Variants in PHF20 observed in about 807,000 individuals in gnomAD.
The protein encoded by PHF20 is glioma-expressed antigen 2.
In PHF20, 23 loss-of-function variants were observed where a neutral mutation model predicts 113.5. The ratio of observed to expected loss-of-function variants is 0.20; its 90% CI spans 0.15 to 0.29. The LOEUF (loss-of-function observed/expected upper bound fraction) is 0.29. Ranked by LOEUF, PHF20 falls within the 10% of genes least tolerant of loss-of-function variation. PHF20 has a pLI of 1.00. For synonymous variants in PHF20, 434 were observed against 457.3 expected, an observed-to-expected ratio of 0.95 and a Z score of 0.65; for missense variants, 943 against 1,219.6, an observed-to-expected ratio of 0.77 and a Z score of 3.38.
At chr20:35,911,032 G>T (rs1170132561) in intron 10 of PHF20, among the ~76,000 whole-genome samples, 1 of 151,590 alleles carries the variant, frequency 6.6e-6, no homozygotes, top group South Asian at 2.1e-4. Context: ...GTTGCTGTTC[G>T]TACCTTTTTT....
chr20:35,823,734 C>T (rs2042215758), intron 2 of PHF20, among the ~76,000 whole-genome samples: 1 of 151,696 alleles, frequency 6.6e-6, no homozygotes, highest in Admixed American at 6.6e-5. Flanking sequence ...TAATCAGCCT[C>T]TCCTGGCACC....
intron 2 of PHF20, among the ~76,000 whole-genome samples, chr20:35,835,727 T>C (rs1257328148): frequency 6.6e-6 from 1 of 152,060 alleles, no homozygotes; most frequent in Admixed American, 6.6e-5. Flanking sequence ...GTCAGGAGTT[T>C]GAGACCAGCC....
At chr20:35,775,574 T>C (rs1446901579) in intron 1 of PHF20, among the ~76,000 whole-genome samples, 1 of 151,850 alleles carries the variant, frequency 6.6e-6, no homozygotes, top group Non-Finnish European at 1.5e-5. Flanking sequence ...GCTAACACAG[T>C]GAAACCCTGT....
At chr20:35,882,027 A>G (rs891638611) in intron 9 of PHF20, among the ~76,000 whole-genome samples, 1 of 152,270 alleles carries the variant, frequency 6.6e-6, no homozygotes, top group African/African-American at 2.4e-5. Flanking sequence ...AATAATTTTT[A>G]AATGTCATCT....
chr20:35,865,238 C>T (rs1389175608), intron 6 of PHF20, among the ~76,000 whole-genome samples: 10 of 151,852 alleles, frequency 6.6e-5, no homozygotes, highest in African/African-American at 2.2e-4. Flanking sequence ...TGCCTCATCC[C>T]TGTAATCATG....
chr20:35,877,101 T>C (rs151265856), intron 9 of PHF20, among the ~76,000 whole-genome samples: 5,402 of 105,398 alleles, frequency 0.051, 175 homozygotes, highest in African/African-American at 0.11. Flanking sequence ...AGTGAGACTC[T>C]GTCTCAAAAA....
At chr20:35,935,514 G>C (rs1247082549) in intron 15 of PHF20, among the ~76,000 whole-genome samples, 1 of 152,188 alleles carries the variant, frequency 6.6e-6, no homozygotes, top group Non-Finnish European at 1.5e-5. Context: ...TTGCAGGCAT[G>C]TACCACCGCA....
chr20:35,853,220 CAAA>C (rs374587283), intron 4 of PHF20: 3 of 69,610 alleles, frequency 4.3e-5, no homozygotes, highest in Non-Finnish European at 5.8e-5. Flanking sequence ...AGACTCGTCT[CAAA>C]AAAAAAAAAA....
chr20:35,778,510 G>A (rs1446683120), intron 1 of PHF20, among the ~76,000 whole-genome samples: 2 of 152,092 alleles, frequency 1.3e-5, no homozygotes, highest in Non-Finnish European at 2.9e-5. Flanking sequence ...AGCACTTTGG[G>A]AGGCCAAGTC....
At chr20:35,831,880 G>C (rs1028754174) in intron 2 of PHF20, among the ~76,000 whole-genome samples, 1 of 152,166 alleles carries the variant, frequency 6.6e-6, no homozygotes, top group Non-Finnish European at 1.5e-5. Flanking sequence ...CCAGATTACA[G>C]AAAAGCACAA....
intron 9 of PHF20, among the ~76,000 whole-genome samples, chr20:35,892,650 T>A (rs1435136239): frequency 1.3e-5 from 2 of 152,236 alleles, no homozygotes; most frequent in East Asian, 3.8e-4. Flanking sequence ...TACTTTTTGA[T>A]TTGTGGTTCT....
intron 15 of PHF20, among the ~76,000 whole-genome samples, chr20:35,936,859 CA>C (rs2055874819): frequency 6.6e-6 from 1 of 152,022 alleles, no homozygotes; most frequent in African/African-American, 2.4e-5. Context: ...ATGGTGTTGG[CA>C]AAAAGAGTCA....
chr20:35,890,993 C>T (rs6060665), intron 9 of PHF20, among the ~76,000 whole-genome samples: 5 of 152,220 alleles, frequency 3.3e-5, no homozygotes, highest in African/African-American at 1.2e-4. Context: ...ATTCTTATTC[C>T]CATTTAACAA....
chr20:35,912,426 G>A (rs1355559336), intron 10 of PHF20, among the ~76,000 whole-genome samples: 3 of 152,196 alleles, frequency 2.0e-5, no homozygotes, highest in African/African-American at 2.4e-5. Flanking sequence ...GAGTTTTGTT[G>A]TAGAGTAGAG....
At chr20:35,932,012 A>C (rs184111095) in intron 15 of PHF20, among the ~76,000 whole-genome samples, 36 of 151,910 alleles carry the variant, frequency 2.4e-4, no homozygotes, top group Middle Eastern at 3.4e-3. Context: ...CACCACCAGA[A>C]TCAATACATG....
chr20:35,911,595 G>C (rs535217238), intron 10 of PHF20, among the ~76,000 whole-genome samples: 1 of 152,162 alleles, frequency 6.6e-6, no homozygotes, highest in African/African-American at 2.4e-5. Context: ...AAAAAGTAAG[G>C]CATGGTGAAT....
At chr20:35,919,335 A>C (rs2055466628) in intron 13 of PHF20, among the ~76,000 whole-genome samples, 1 of 142,032 alleles carries the variant, frequency 7.0e-6, no homozygotes, top group African/African-American at 2.6e-5. Flanking sequence ...TTGTTATGGT[A>C]ATTTTTTTTT....
At chr20:35,796,045 T>G (rs2041660778) in intron 1 of PHF20, among the ~76,000 whole-genome samples, 5 of 151,908 alleles carry the variant, frequency 3.3e-5, no homozygotes, top group Admixed American at 3.3e-4. Context: ...GGAGACGGGG[T>G]TTCACTATGT....
At chr20:35,918,447 A>G (rs1022754282) in intron 13 of PHF20, among the ~76,000 whole-genome samples, 1 of 152,190 alleles carries the variant, frequency 6.6e-6, no homozygotes, top group Non-Finnish European at 1.5e-5. Flanking sequence ...AGAACCTGGA[A>G]TTCCATCTTG....
Sources: gnomAD v4.1 joint callset for allele counts (sites outside exome capture counted in the v4.1 genomes callset) on GRCh38, gnomAD v4.1.1 for gene constraint, MANE v1.5 for transcripts, NCBI Gene and HGNC (gene_info 2026-07-23, HGNC 2026-07-21) for gene names.